The following GINS1 variants were observed in gnomAD, a reference collection of about 807,000 sequenced individuals.
GINS1 encodes the protein DNA replication complex GINS protein PSF1.
GINS1 carries 26 observed loss-of-function variants against 34.9 expected under a neutral mutation model. The ratio of observed to expected loss-of-function variants is 0.74; its 90% CI spans 0.55 to 1.03. GINS1 has a LOEUF of 1.03. Among genes scored for constraint, GINS1 ranks in the 50% least tolerant of loss-of-function variants. The pLI is 0.00. For missense variants in GINS1, 235 were observed against 237.9 expected (o/e 0.99, Z 0.08); for synonymous variants, 97 against 84.4 (o/e 1.15, Z -0.82).
intron 2 of GINS1, among the ~76,000 whole-genome samples, chr20:25,416,247 G>A (rs1404564697): frequency 6.6e-6 from 1 of 152,104 alleles, no homozygotes; most frequent in Non-Finnish European, 1.5e-5. Flanking sequence ...TATAGGCCTT[G>A]GTTCAGTAAG....
At chr20:25,422,548 G>A (rs1243203655) in intron 4 of GINS1, among the ~76,000 whole-genome samples, 3 of 152,068 alleles carry the variant, frequency 2.0e-5, no homozygotes, top group South Asian at 2.1e-4. Context: ...CTGAGATTGC[G>A]CCACTGCACT....
intron 4 of GINS1, chr20:25,419,796 G>A: frequency 4.9e-6 from 1 of 204,130 alleles, no homozygotes; most frequent in Non-Finnish European, 1.0e-5. Flanking sequence ...CCAAGTAGCT[G>A]TGATTACAGG....
intron 5 of GINS1, among the ~76,000 whole-genome samples, chr20:25,428,982 T>C (rs1389995152): frequency 2.5e-3 from 12 of 4,866 alleles, no homozygotes; most frequent in African/African-American, 5.8e-3. Flanking sequence ...TTTTTTTTTT[T>C]TTTTTTTTTT....
At chr20:25,441,876 A>G in intron 6 of GINS1, 100 bp downstream of exon 6, 1 of 661,514 alleles carries the variant, frequency 1.5e-6, no homozygotes, top group Non-Finnish European at 2.7e-6. Context: ...ATGATCGTTT[A>G]TATATTAGGC....
intron 6 of GINS1, among the ~76,000 whole-genome samples, chr20:25,444,133 T>G (rs547225855): frequency 2.0e-5 from 3 of 151,966 alleles, no homozygotes; most frequent in African/African-American, 7.3e-5. Flanking sequence ...TGCCTCAGCC[T>G]CTCGAGTAGC....
chr20:25,423,066 C>A (rs1025223158), intron 4 of GINS1, among the ~76,000 whole-genome samples: 2 of 151,804 alleles, frequency 1.3e-5, no homozygotes, highest in African/African-American at 4.8e-5. Flanking sequence ...TGTGAGCCAC[C>A]ACACCTGGCC....
chr20:25,422,287 T>C (rs1280973067), intron 4 of GINS1, among the ~76,000 whole-genome samples: 1 of 152,048 alleles, frequency 6.6e-6, no homozygotes, highest in Non-Finnish European at 1.5e-5. Context: ...TTAAAAATCT[T>C]ATTGCTCTGG....
At chr20:25,420,951 A>G (rs2090351802) in intron 4 of GINS1, 2 of 984,234 alleles carry the variant, frequency 2.0e-6, no homozygotes, top group African/African-American at 1.7e-5. Flanking sequence ...TGGCAACTGC[A>G]TCAGCCATTT....
At chr20:25,417,346 A>AT in intron 3 of GINS1, 144 bp downstream of exon 3, 1 of 597,166 alleles carries the variant, frequency 1.7e-6, no homozygotes, top group Non-Finnish European at 2.9e-6. Context: ...CATTTTTTTA[A>AT]TTTTTTATTA....
At chr20:25,418,923 G>C (rs1417676686) in intron 4 of GINS1, among the ~76,000 whole-genome samples, 1 of 152,168 alleles carries the variant, frequency 6.6e-6, no homozygotes, top group Non-Finnish European at 1.5e-5. Flanking sequence ...TCACATGGTT[G>C]GTCTTTCTGG....
intron 5 of GINS1, among the ~76,000 whole-genome samples, chr20:25,437,756 A>G (rs1013066055): frequency 6.6e-6 from 1 of 152,196 alleles, no homozygotes; most frequent in South Asian, 2.1e-4. Flanking sequence ...TGTTACTGTT[A>G]TTTTGAAACA....
chr20:25,432,065 G>T (rs1173525914), intron 5 of GINS1, among the ~76,000 whole-genome samples: 4 of 150,390 alleles, frequency 2.7e-5, no homozygotes, highest in Non-Finnish European at 5.9e-5. Context: ...TAGAGACGGG[G>T]TTTCACCATG....
intron 5 of GINS1, among the ~76,000 whole-genome samples, chr20:25,430,181 G>T (rs1385577879): frequency 6.6e-6 from 1 of 152,196 alleles, no homozygotes; most frequent in Admixed American, 6.5e-5. Context: ...AAAGTGCTGG[G>T]ATTATAGGCG....
chr20:25,437,360 A>G (rs1317814967), intron 5 of GINS1, among the ~76,000 whole-genome samples: 1 of 152,246 alleles, frequency 6.6e-6, no homozygotes, highest in African/African-American at 2.4e-5. Context: ...TGCACCAGCA[A>G]CCTGTGTACA....
chr20:25,428,843 G>A (rs1017041043), intron 5 of GINS1, among the ~76,000 whole-genome samples: 3 of 151,696 alleles, frequency 2.0e-5, no homozygotes, highest in South Asian at 2.1e-4. Flanking sequence ...TACATCTGTC[G>A]TAAAAAAAGT....
chr20:25,435,778 AAAAAAAAAAAC>A (rs1178800204), intron 5 of GINS1, among the ~76,000 whole-genome samples: 2 of 123,618 alleles, frequency 1.6e-5, no homozygotes, highest in African/African-American at 6.2e-5. Flanking sequence ...AAAAAAAAAA[AAAAAAAAAAAC>A]CAACTTTTTG....
rs553951997 is a variant in GINS1, at chr20:25,439,628, C to T, written c.448-2074C>T. ...TGGCTTTGTTGGATTCTGATTTCAA[C>T]GTGGAAACCTTAAAAAAAATTCATG... On this transcript the variant is annotated intron_variant, in intron 5 of 6. Coordinates refer to ENST00000262460, the MANE Select transcript of GINS1 (RefSeq NM_021067.5). 8.9e-4 allele frequency among the ~76,000 whole-genome samples: 135 copies of T among 152,030 alleles called. 1 individual carries two copies. Among genetic ancestry groups the T allele is most frequent in the Non-Finnish European group, 1.6e-3 (107 of 67,956 alleles).
intron 4 of GINS1, among the ~76,000 whole-genome samples, chr20:25,421,991 AAAAC>A (rs1300633351): frequency 6.6e-6 from 1 of 152,220 alleles, no homozygotes; most frequent in Non-Finnish European, 1.5e-5. Context: ...TATATTATAA[AAAAC>A]AATGCAGTTT....
chr20:25,418,195 A>G lies in GINS1; in HGVS notation c.330A>G (p.Glu110=). ...NALRFHMAAE[E]MEWFNNYKRS... ...TACGATTTCACATGGCTGCTGAAGA[A>G]GTGAGTTAGCATTGTTCAAGTTTAT... The change falls in exon 4 of 7, where the codon GAA becomes GAG. Residue 110 remains glutamate, a splice_region_variant and synonymous_variant. Coordinates refer to ENST00000262460, the MANE Select transcript of GINS1 (RefSeq NM_021067.5). 6.6e-7 allele frequency: 1 copy of G among 1,511,816 alleles called. No homozygotes were observed. The highest frequency in any genetic ancestry group is 1.1e-5 in the South Asian group (1 of 89,226). 93.7% of individuals were successfully genotyped at this position (1,511,816 alleles called of 1,614,324 possible).
Sources: gnomAD v4.1 joint callset for allele counts (sites outside exome capture counted in the v4.1 genomes callset) on GRCh38, gnomAD v4.1.1 for gene constraint, MANE v1.5 for transcripts, NCBI Gene and HGNC (gene_info 2026-07-23, HGNC 2026-07-21) for gene names.